Variants in CDKAL1 observed in about 807,000 individuals in gnomAD.
CDKAL1 encodes threonylcarbamoyladenosine tRNA methylthiotransferase.
A neutral mutation model predicts 68.2 loss-of-function variants in CDKAL1; 32 were observed. That is an observed-to-expected ratio of 0.47 (90% CI 0.35 to 0.63). The LOEUF is 0.63. Among genes scored for constraint, CDKAL1 ranks in the 30% least tolerant of loss-of-function variants. The pLI, the probability that CDKAL1 is intolerant of heterozygous loss-of-function variation, is 0.00. For missense variants in CDKAL1, 606 were observed against 696.7 expected (o/e 0.87, Z 1.47); for synonymous variants, 234 against 244.3 (o/e 0.96, Z 0.39).
At chr6:20,979,658 CCGA>C (rs1028846486) in intron 10 of CDKAL1, among the ~76,000 whole-genome samples, 1 of 151,986 alleles carries the variant, frequency 6.6e-6, no homozygotes, top group African/African-American at 2.4e-5. Context: ...CGGAGTGCGG[CCGA>C]CGAAGTCCAG....
intron 15 of CDKAL1, among the ~76,000 whole-genome samples, chr6:21,225,897 T>C (rs1031148008): frequency 7.2e-5 from 11 of 152,256 alleles, no homozygotes; most frequent in Non-Finnish European, 1.6e-4. Flanking sequence ...TTAATCTGAA[T>C]TGACATTTAA....
chr6:21,180,528 C>T (rs913809642), intron 13 of CDKAL1, among the ~76,000 whole-genome samples: 1 of 152,112 alleles, frequency 6.6e-6, no homozygotes, highest in African/African-American at 2.4e-5. Flanking sequence ...TGATCTTACA[C>T]TGATTTCTAG....
intron 5 of CDKAL1, among the ~76,000 whole-genome samples, chr6:20,737,894 T>C (rs1773268522): frequency 6.6e-6 from 1 of 152,248 alleles, no homozygotes; most frequent in Admixed American, 6.5e-5. Flanking sequence ...TATTTAATCA[T>C]TCTCTCTGTA....
intron 5 of CDKAL1, among the ~76,000 whole-genome samples, chr6:20,664,940 G>C (rs1348560414): frequency 6.6e-6 from 1 of 151,962 alleles, no homozygotes; most frequent in Admixed American, 6.6e-5. Flanking sequence ...ATGTATTTTC[G>C]ATCCCCTCAT....
At chr6:21,032,463 C>T (rs192975696) in intron 11 of CDKAL1, among the ~76,000 whole-genome samples, 63 of 152,226 alleles carry the variant, frequency 4.1e-4, no homozygotes, top group Middle Eastern at 6.8e-3. Context: ...TTCTCCCTTC[C>T]CTAATCTCCC....
chr6:20,580,533 G>A (rs1163816625), intron 4 of CDKAL1, among the ~76,000 whole-genome samples: 1 of 151,998 alleles, frequency 6.6e-6, no homozygotes, highest in Non-Finnish European at 1.5e-5. Context: ...TCTAGACTCA[G>A]GGCTTCAGAG....
At chr6:21,062,555 T>G (rs16884468) in intron 11 of CDKAL1, among the ~76,000 whole-genome samples, 6,231 of 152,344 alleles carry the variant, frequency 0.041, 205 homozygotes, top group East Asian at 0.15. Flanking sequence ...ATGTACTGTT[T>G]TATTCTTCTG....
At chr6:20,718,652 A>T (rs1233134216) in intron 5 of CDKAL1, among the ~76,000 whole-genome samples, 1 of 152,212 alleles carries the variant, frequency 6.6e-6, no homozygotes, top group Non-Finnish European at 1.5e-5. Context: ...GATATATGAA[A>T]GCTGGTAGAA....
At chr6:20,945,071 TACACACAC>T (rs141227225) in intron 9 of CDKAL1, among the ~76,000 whole-genome samples, 52 of 150,264 alleles carry the variant, frequency 3.5e-4, no homozygotes, top group African/African-American at 1.2e-3. Context: ...CACACACACG[TACACACAC>T]ACACACACAC....
chr6:21,159,867 C>T (rs1776827299), intron 13 of CDKAL1, among the ~76,000 whole-genome samples: 1 of 152,204 alleles, frequency 6.6e-6, no homozygotes, highest in Admixed American at 6.5e-5. Flanking sequence ...TTCCACCCAA[C>T]CCAGATTGGG....
chr6:20,783,560 T>C (rs1385209527), intron 8 of CDKAL1, among the ~76,000 whole-genome samples: 1 of 152,186 alleles, frequency 6.6e-6, no homozygotes, highest in African/African-American at 2.4e-5. Flanking sequence ...TCCTGGCATG[T>C]CTGTCCTTCC....
intron 9 of CDKAL1, among the ~76,000 whole-genome samples, chr6:20,939,042 CAATA>C (rs999388899): frequency 7.9e-5 from 12 of 152,000 alleles, no homozygotes; most frequent in African/African-American, 2.9e-4. Flanking sequence ...TTCATTCAGT[CAATA>C]AATAAATATT....
chr6:21,208,802 A>G (rs1290240134), intron 15 of CDKAL1, among the ~76,000 whole-genome samples: 3 of 152,160 alleles, frequency 2.0e-5, no homozygotes, highest in Admixed American at 6.5e-5. Context: ...CTTTTATTCT[A>G]TGCTGCTGAG....
intron 9 of CDKAL1, among the ~76,000 whole-genome samples, chr6:20,947,954 T>G (rs923984462): frequency 5.9e-5 from 9 of 152,186 alleles, no homozygotes; most frequent in African/African-American, 2.2e-4. Flanking sequence ...GACAAAATTT[T>G]CTAATTTTAA....
chr6:20,556,571 T>A (rs2127664082), intron 4 of CDKAL1, among the ~76,000 whole-genome samples: 1 of 152,328 alleles, frequency 6.6e-6, no homozygotes, highest in African/African-American at 2.4e-5. Context: ...TTTCTACACA[T>A]AACTCTTTAA....
At chr6:20,685,864 C>T (rs1421241866) in intron 5 of CDKAL1, among the ~76,000 whole-genome samples, 1 of 152,140 alleles carries the variant, frequency 6.6e-6, no homozygotes, top group Non-Finnish European at 1.5e-5. Flanking sequence ...TCTAGGATTA[C>T]AGGCATGAGC....
At chr6:21,183,706 G>A (rs1052626641) in intron 13 of CDKAL1, among the ~76,000 whole-genome samples, 30 of 152,178 alleles carry the variant, frequency 2.0e-4, no homozygotes, top group African/African-American at 7.2e-4. Flanking sequence ...GAAGTGCTGC[G>A]GGTTATGTTA....
At chr6:20,871,342 AATATG>A (rs1760204929) in intron 9 of CDKAL1, among the ~76,000 whole-genome samples, 2 of 152,228 alleles carry the variant, frequency 1.3e-5, no homozygotes, top group African/African-American at 4.8e-5. Flanking sequence ...AAATAATTGT[AATATG>A]ATATGCAAAT....
At chr6:20,973,105 T>C (rs1311366847) in intron 10 of CDKAL1, among the ~76,000 whole-genome samples, 1 of 151,246 alleles carries the variant, frequency 6.6e-6, no homozygotes. Flanking sequence ...CTTTAAATAA[T>C]GGAGTATCAT....
Sources: allele counts gnomAD v4.1 joint callset (sites outside exome capture counted in the v4.1 genomes callset), GRCh38; gene constraint gnomAD v4.1.1; transcripts MANE v1.5; gene names NCBI Gene and HGNC (gene_info 2026-07-23, HGNC 2026-07-21).